Variants in POLR1B observed in about 807,000 individuals in gnomAD.
POLR1B encodes RNA polymerase I subunit B.
A neutral mutation model predicts 105.8 loss-of-function variants in POLR1B; 30 were observed. The ratio of observed to expected loss-of-function variants is 0.28; its 90% CI spans 0.21 to 0.38. POLR1B has a LOEUF of 0.38. POLR1B is among the 10% of genes least tolerant of loss of function. The pLI is 1.00. For synonymous variants in POLR1B, 485 were observed against 505.1 expected (o/e 0.96, Z 0.53); for missense variants, 976 against 1,435.8 (o/e 0.68, Z 5.17).
rs146272126 is a variant in POLR1B, at chr2:112,558,203, A to G, written c.1330+122A>G. The G allele has an allele frequency of 3.0e-5, 21 of 698,484 alleles. No individual in the cohort carries two copies. The African/African-American group carries it at 3.5e-4, about 12-fold the overall frequency. The allele number at this position is 698,484 out of a possible 1,614,324, so 43.3% of individuals were successfully genotyped here. A position where few individuals can be genotyped will look rare whatever the true frequency, so the allele number is the denominator to read the frequency against. The stretch of plus-strand genomic sequence containing the variant: ...CGAAAAAAGTAAATTTCTCATAACT[A>G]TGACTTCGACAACTATTGGTCTAAA... On this transcript the variant is annotated intron_variant, in intron 8 of 14. Transcript: ENST00000263331.
In POLR1B at chr2:112,575,989, G is replaced by A. The variant is rs1029718769; in HGVS notation, c.*260G>A. ...AATATTGATAAATGGAAGAGCATACGGTGACAAGTCTCCTTTCCAACCCCA... is the reference window on the plus strand; with the variant it reads ...AATATTGATAAATGGAAGAGCATACAGTGACAAGTCTCCTTTCCAACCCCA... On this transcript the variant is annotated 3_prime_UTR_variant, in exon 15 of 15. Transcript: ENST00000263331. The surrounding 1 kb of genome is among the most constrained non-coding windows in gnomAD (Gnocchi z 5.3). The A allele has an allele frequency of 3.2e-5, 14 of 443,176 alleles. No individual in the cohort carries two copies. Among genetic ancestry groups the A allele is most frequent in the African/African-American group, 2.4e-4 (12 of 50,118 alleles). 27.5% of individuals were successfully genotyped at this position (443,176 alleles called of 1,614,324 possible). A position where few individuals can be genotyped will look rare whatever the true frequency, so the allele number is the denominator to read the frequency against.
chr2:112,573,277 G>A (rs191060789), intron 13 of POLR1B, among the ~76,000 whole-genome samples: 1 of 151,976 alleles, frequency 6.6e-6, no homozygotes, highest in East Asian at 1.9e-4. Context: ...TAATTTTCGT[G>A]TTTTTAGTAG....
At chr2:112,574,751 A>G (rs2104582596) in intron 14 of POLR1B, 96 bp from the exon 15 acceptor site, 1 of 1,099,510 alleles carries the variant, frequency 9.1e-7, no homozygotes, top group Non-Finnish European at 1.3e-6. Context: ...AAAAAGTTTT[A>G]CAAATATCCT....
chr2:112,542,701 C>T (rs1190973007), intron 1 of POLR1B, 30 bp downstream of exon 1: 1 of 1,608,178 alleles, frequency 6.2e-7, no homozygotes, highest in Non-Finnish European at 8.5e-7. Flanking sequence ...GCGCCCTTGC[C>T]GCGGCGAGGC....
In POLR1B at chr2:112,575,522, C is replaced by T; in HGVS notation, c.3201C>T (p.Ala1067=). 1 of 1,614,068 alleles carries T rather than the reference C, an allele frequency of 6.2e-7. No individual in the cohort carries two copies. The highest frequency in any genetic ancestry group is 2.2e-5 in the East Asian group (1 of 44,880). ...RLFNCSDRSV[A]HVCVKCGSLL... ...TCAACTGCTCAGATCGGTCGGTAGC[C>T]CATGTGTGTGTGAAGTGTGGCAGTT... The change falls in exon 15 of 15, where the codon GCC becomes GCT. Residue 1067 remains alanine (A), a synonymous_variant. Coordinates refer to ENST00000263331, the MANE Select transcript of POLR1B (RefSeq NM_019014.6). The surrounding 1 kb of genome is among the most constrained non-coding windows in gnomAD (Gnocchi z 5.3).
chr2:112,558,132 T>C (rs891647610), intron 8 of POLR1B, 51 bp downstream of exon 8: 1 of 1,273,828 alleles, frequency 7.9e-7, no homozygotes, highest in African/African-American at 1.5e-5. Context: ...AGTTGCTTAG[T>C]GTAGATTTGC....
chr2:112,556,134 A>T (rs1255569633), intron 7 of POLR1B, among the ~76,000 whole-genome samples: 1 of 152,262 alleles, frequency 6.6e-6, no homozygotes, highest in African/African-American at 2.4e-5. Context: ...TGATAAAAAC[A>T]TTTATGACAC....
At chr2:112,544,126 A>T (rs886169163) in intron 1 of POLR1B, among the ~76,000 whole-genome samples, 2 of 151,744 alleles carry the variant, frequency 1.3e-5, no homozygotes, top group Middle Eastern at 3.2e-3. Flanking sequence ...TTAGAAAAGC[A>T]CTAATTTAAA....
chr2:112,559,363 C>T lies in POLR1B; in HGVS notation c.1401C>T (p.Ser467=). 3 of 1,614,200 alleles carry T rather than the reference C, an allele frequency of 1.9e-6. No homozygotes were observed. Among genetic ancestry groups the T allele is most frequent in the Non-Finnish European group, 2.5e-6 (3 of 1,180,044 alleles). The change falls in exon 9 of 15, where the codon TCC becomes TCT. Residue 467 remains serine (S), a synonymous_variant. Transcript: ENST00000263331. ...AGCTGAACTTCATACGCTACCTCTCCCATTTCCGCTGCGTGCACAGAGGGG... is the reference window on the plus strand; with the variant it reads ...AGCTGAACTTCATACGCTACCTCTCTCATTTCCGCTGCGTGCACAGAGGGG... ...ADKLNFIRYL[S]HFRCVHRGAD... is the part of the protein sequence containing the mutation.
intron 13 of POLR1B, among the ~76,000 whole-genome samples, chr2:112,573,344 C>T (rs1684687298): frequency 1.3e-5 from 2 of 152,242 alleles, no homozygotes; most frequent in Non-Finnish European, 2.9e-5. Context: ...CTCAAGTGAT[C>T]CACCTGCCTT....
upstream of POLR1B, chr2:112,542,371 G>C: frequency 1.3e-6 from 2 of 1,596,140 alleles, no homozygotes; most frequent in Non-Finnish European, 1.7e-6. Flanking sequence ...CGGGTGGAAC[G>C]AGAGGGAACT....
At position 112,571,808 on chromosome 2, in the gene POLR1B, A is replaced by G. The variant is rs113875932; in HGVS notation, c.2075-754A>G. 4.3e-3 allele frequency among the ~76,000 whole-genome samples: 659 copies of G among 152,318 alleles called. 5 individuals carry two copies. The highest frequency in any genetic ancestry group is 0.015 in the African/African-American group (612 of 41,568). On this transcript the variant is annotated intron_variant, in intron 12 of 14. Coordinates refer to ENST00000263331, the MANE Select transcript of POLR1B (RefSeq NM_019014.6). ...TGGGCCATAAGGCAAAAATAAATACATAAATACTTAAAAACCTGGAAATTC... is the reference window on the plus strand; with the variant it reads ...TGGGCCATAAGGCAAAAATAAATACGTAAATACTTAAAAACCTGGAAATTC...
chr2:112,570,727 CAGTGCATG>C (rs1477279744), intron 12 of POLR1B, among the ~76,000 whole-genome samples: 1 of 151,820 alleles, frequency 6.6e-6, no homozygotes, highest in African/African-American at 2.4e-5. Flanking sequence ...CATTGTTATG[CAGTGCATG>C]CCTGTATTTT....
At chr2:112,562,530 A>G (rs1684042828) in intron 9 of POLR1B, among the ~76,000 whole-genome samples, 1 of 152,116 alleles carries the variant, frequency 6.6e-6, no homozygotes, top group African/African-American at 2.4e-5. Context: ...AGTGCATATG[A>G]AAGTTATGTT....
chr2:112,544,999 A>G (rs1034886190), intron 1 of POLR1B, among the ~76,000 whole-genome samples: 1 of 152,204 alleles, frequency 6.6e-6, no homozygotes, highest in Non-Finnish European at 1.5e-5. Flanking sequence ...CCCAGCTGAG[A>G]TCTAACAAGG....
Position 112,546,083 on chromosome 2 carries a change from C to A in POLR1B, c.178-929C>A, listed in dbSNP as rs559118431. On this transcript the variant is annotated intron_variant, in intron 1 of 14. Transcript: ENST00000263331. Reference sequence around the variant, plus strand: ...TTTCTTGGTTCCATTTTTTCATTTTCATTATTCTAAGACTAAGTCTAGGAG... The same window carrying A: ...TTTCTTGGTTCCATTTTTTCATTTTAATTATTCTAAGACTAAGTCTAGGAG... Among the ~76,000 whole-genome samples the A allele has an allele frequency of 2.6e-5, 4 of 152,048 alleles. No individual in the cohort carries two copies. In the East Asian group the frequency reaches 7.7e-4, roughly 29 times the overall value.
chr2:112,574,797 C>A, intron 14 of POLR1B, 50 bp from the exon 15 acceptor site: 1 of 1,445,040 alleles, frequency 6.9e-7, no homozygotes, highest in Non-Finnish European at 9.4e-7. Flanking sequence ...AAACTTATCT[C>A]CATAAGTTAA....
intron 7 of POLR1B, among the ~76,000 whole-genome samples, chr2:112,556,631 G>A (rs564199116): frequency 3.3e-5 from 5 of 152,260 alleles, no homozygotes; most frequent in Middle Eastern, 3.4e-3. Flanking sequence ...ATAGTCAATG[G>A]CTAATGTGTT....
intron 2 of POLR1B, 81 bp from the exon 3 acceptor site, chr2:112,547,340 C>T (rs1683110159): frequency 2.0e-6 from 3 of 1,512,980 alleles, no homozygotes; most frequent in African/African-American, 2.8e-5. Flanking sequence ...TGATCTTCTT[C>T]CTCAGTCTTT....
Sources: gnomAD v4.1 joint callset for allele counts (sites outside exome capture counted in the v4.1 genomes callset) on GRCh38, gnomAD v4.1.1 for gene constraint, Gnocchi (gnomAD v3.1) non-coding constraint, MANE v1.5 for transcripts, NCBI Gene and HGNC (gene_info 2026-07-23, HGNC 2026-07-21) for gene names.